CACHD1: variants seen among roughly 807,000 people sequenced by gnomAD.
CACHD1 encodes the protein VWFA and cache domain-containing protein 1.
A neutral mutation model predicts 138.7 loss-of-function variants in CACHD1; 71 were observed. The ratio of observed to expected loss-of-function variants is 0.51; its 90% confidence interval spans 0.42 to 0.62. The LOEUF (loss-of-function observed/expected upper bound fraction) is 0.62. Ranked by LOEUF, CACHD1 falls within the 20% of genes least tolerant of loss-of-function variation. The pLI, the probability that CACHD1 is intolerant of heterozygous loss-of-function variation, is 0.00. For synonymous variants in CACHD1, 578 were observed against 591.5 expected (o/e 0.98, Z 0.33); for missense variants, 1,389 against 1,625.3 (o/e 0.85, Z 2.50).
rs747182123 is a variant in CACHD1, at chr1:64,675,943, G to C, written c.2935G>C (p.Val979Leu). 9.2e-6 allele frequency: 14 copies of C among 1,515,522 alleles called. No individual in the cohort carries two copies. The allele number at this position is 1,515,522 out of a possible 1,614,324, so 93.9% of individuals were successfully genotyped here. A position where few individuals can be genotyped will look rare whatever the true frequency, so the allele number is the denominator to read the frequency against. ...ATGTCCTTGTGAGTGCCCTCTAGAG[G>C]TCAATGAGTGCACTGGCAACCTCAC... Reference protein sequence around the residue: ...CECPCECPLEVNECTGNLTNA... With the variant: ...CECPCECPLELNECTGNLTNA... The change falls in exon 21 of 27, where the codon GTC (valine) becomes CTC (leucine). Residue 979 changes from valine (V) to leucine (L), a missense_variant. By Grantham distance (32) the Val-to-Leu change is conservative (BLOSUM62 1). Around this residue, in one of 5 missense-constraint regions of CACHD1, gnomAD observed 250 missense variants for 292.9 expected, o/e 0.85. Transcript: ENST00000651257.
At chr1:64,511,950 T>C (rs1457263044) in intron 1 of CACHD1, among the ~76,000 whole-genome samples, 3 of 152,330 alleles carry the variant, frequency 2.0e-5, no homozygotes, top group East Asian at 1.9e-4. Context: ...GCATTTGGCA[T>C]AGTCACTGGC....
chr1:64,608,594 A>G (rs1054186193), intron 4 of CACHD1, among the ~76,000 whole-genome samples: 9 of 152,278 alleles, frequency 5.9e-5, no homozygotes, highest in African/African-American at 1.7e-4. Flanking sequence ...ACATATGTGT[A>G]TTCTTTTTCT....
At position 64,654,676 on chromosome 1, in the gene CACHD1, G is replaced by A. The variant is rs1386927642; in HGVS notation, c.1665-10G>A. 1 of 1,584,224 alleles carries A rather than the reference G, an allele frequency of 6.3e-7. No homozygotes were observed. Among genetic ancestry groups the A allele is most frequent in the Non-Finnish European group, 8.7e-7 (1 of 1,154,436 alleles). ...TTGCCTGAAATATTTAATTCTGTTT[G>A]CCAACACAGCCTCCCTCTGGGCAGC... On this transcript the variant is annotated splice_polypyrimidine_tract_variant and intron_variant, in intron 11 of 26. Transcript: ENST00000651257.
At chr1:64,588,329 C>A (rs1647067795) in intron 3 of CACHD1, among the ~76,000 whole-genome samples, 1 of 152,082 alleles carries the variant, frequency 6.6e-6, no homozygotes, top group African/African-American at 2.4e-5. Context: ...CCCAGCTTGC[C>A]ACAGAGATGA....
chr1:64,530,489 T>A (rs1474120215), intron 1 of CACHD1, among the ~76,000 whole-genome samples: 1 of 152,206 alleles, frequency 6.6e-6, no homozygotes, highest in Admixed American at 6.5e-5. Context: ...CCTTTAGCCT[T>A]ATTTACCTGG....
intron 4 of CACHD1, among the ~76,000 whole-genome samples, chr1:64,606,170 G>A (rs974373732): frequency 2.7e-5 from 4 of 149,780 alleles, no homozygotes; most frequent in African/African-American, 7.4e-5. Context: ...GAGGCCAGGG[G>A]CCAGGAGACA....
intron 26 of CACHD1, among the ~76,000 whole-genome samples, chr1:64,688,137 T>C (rs74080497): frequency 0.019 from 2,956 of 151,814 alleles, 90 homozygotes; most frequent in African/African-American, 0.066. Flanking sequence ...CCACCATGAA[T>C]CTAACACCTC....
intron 1 of CACHD1, among the ~76,000 whole-genome samples, chr1:64,545,197 A>T (rs1190197604): frequency 1.3e-5 from 2 of 152,238 alleles, no homozygotes; most frequent in Non-Finnish European, 2.9e-5. Flanking sequence ...TTTTAGAGAG[A>T]CTACCTAGAA....
At chr1:64,620,995 G>A (rs1274422166) in intron 4 of CACHD1, among the ~76,000 whole-genome samples, 1 of 152,000 alleles carries the variant, frequency 6.6e-6, no homozygotes, top group Non-Finnish European at 1.5e-5. Context: ...CCTTCCACTG[G>A]CCCACTGATA....
In CACHD1 at chr1:64,692,826, T is replaced by G. The variant is rs1650605152; in HGVS notation, c.*1265T>G. On this transcript the variant is annotated 3_prime_UTR_variant, in exon 27 of 27. Coordinates refer to ENST00000651257, the MANE Select transcript of CACHD1 (RefSeq NM_020925.4). Reference sequence around the variant, plus strand: ...CACATTTTGTGATTCAAATATGTTATAAAGGCATTCTTGCACCATGGTAAA... The same window carrying G: ...CACATTTTGTGATTCAAATATGTTAGAAAGGCATTCTTGCACCATGGTAAA... 6.6e-6 allele frequency: 1 copy of G among 152,598 alleles called. No individual in the cohort carries two copies. Among genetic ancestry groups the G allele is most frequent in the African/African-American group, 2.4e-5 (1 of 41,468 alleles). 9.5% of individuals were successfully genotyped at this position (152,598 alleles called of 1,614,324 possible). A position where few individuals can be genotyped will look rare whatever the true frequency, so the allele number is the denominator to read the frequency against.
At chr1:64,616,304 C>A (rs1647705321) in intron 4 of CACHD1, among the ~76,000 whole-genome samples, 1 of 152,124 alleles carries the variant, frequency 6.6e-6, no homozygotes, top group Non-Finnish European at 1.5e-5. Flanking sequence ...AAGTGACAAG[C>A]ATGTGGTGGT....
chr1:64,565,357 G>T (rs1334098227), intron 2 of CACHD1, among the ~76,000 whole-genome samples: 1 of 152,064 alleles, frequency 6.6e-6, no homozygotes, highest in Non-Finnish European at 1.5e-5. Flanking sequence ...CTGTAGGAAG[G>T]CAAAAGAAAG....
At chr1:64,607,700 C>A (rs967218635) in intron 4 of CACHD1, among the ~76,000 whole-genome samples, 1 of 152,092 alleles carries the variant, frequency 6.6e-6, no homozygotes, top group Non-Finnish European at 1.5e-5. Context: ...CCTAGAAGCA[C>A]AGAGCATTCA....
chr1:64,510,688 A>G (rs1051667041), intron 1 of CACHD1, among the ~76,000 whole-genome samples: 2 of 152,128 alleles, frequency 1.3e-5, no homozygotes, highest in African/African-American at 4.8e-5. Context: ...TCTGGTGGTC[A>G]TTATTCAGTT....
chr1:64,610,536 G>A (rs544101017), intron 4 of CACHD1, among the ~76,000 whole-genome samples: 1 of 152,334 alleles, frequency 6.6e-6, no homozygotes, highest in South Asian at 2.1e-4. Context: ...AAAGAGGGCA[G>A]TCATTAAACT....
intron 1 of CACHD1, among the ~76,000 whole-genome samples, chr1:64,471,359 G>T (rs536774708): frequency 6.6e-6 from 1 of 152,328 alleles, no homozygotes; most frequent in African/African-American, 2.4e-5. Context: ...AGCCAGCCCC[G>T]TCTGGCTCGG....
intron 3 of CACHD1, among the ~76,000 whole-genome samples, chr1:64,600,793 T>C (rs904453106): frequency 1.3e-5 from 2 of 152,172 alleles, no homozygotes; most frequent in African/African-American, 2.4e-5. Context: ...ACAATCAGGA[T>C]AGGCCTTTCT....
intron 10 of CACHD1, 95 bp downstream of exon 10, chr1:64,652,405 T>C (rs576227901): frequency 1.7e-6 from 2 of 1,148,488 alleles, no homozygotes; most frequent in African/African-American, 3.2e-5. Flanking sequence ...AAAATGATAG[T>C]GTAAAGAAGA....
At chr1:64,554,915 G>A (rs1038734165) in intron 2 of CACHD1, among the ~76,000 whole-genome samples, 17 of 152,278 alleles carry the variant, frequency 1.1e-4, no homozygotes, top group Admixed American at 1.0e-3. Flanking sequence ...TTAGGTTGCT[G>A]TGCAGATTTA....
Sources: gnomAD v4.1 joint callset for allele counts (sites outside exome capture counted in the v4.1 genomes callset) on GRCh38, gnomAD v4.1.1 for gene constraint, gnomAD v4.1.1 regional missense constraint, MANE v1.5 for transcripts, NCBI Gene and HGNC (gene_info 2026-07-23, HGNC 2026-07-21) for gene names.